DNAJC17: variants seen among roughly 807,000 people sequenced by gnomAD.
The protein encoded by DNAJC17 is DnaJ heat shock protein family (Hsp40) member C17.
DNAJC17 carries 35 observed loss-of-function variants against 48.1 expected under a neutral mutation model. The ratio of observed to expected loss-of-function variants is 0.73; its 90% CI spans 0.56 to 0.96. The LOEUF (loss-of-function observed/expected upper bound fraction) is 0.96. DNAJC17 is among the 50% of genes least tolerant of loss of function. The pLI is 0.00. For synonymous variants in DNAJC17, 117 were observed against 142.7 expected (o/e 0.82, Z 1.28); for missense variants, 355 against 377.1 (o/e 0.94, Z 0.48).
intron 1 of DNAJC17, among the ~76,000 whole-genome samples, chr15:40,802,552 G>C (rs1890101947): frequency 6.6e-6 from 1 of 152,170 alleles, no homozygotes; most frequent in Admixed American, 6.5e-5. Context: ...ACAGATTTGA[G>C]ATTCAGAGAA....
chr15:40,776,764 G>T, intron 4 of DNAJC17, 137 bp from the exon 5 acceptor site: 1 of 765,008 alleles, frequency 1.3e-6, no homozygotes, highest in Non-Finnish European at 2.2e-6. Context: ...CTCCCTCCAT[G>T]CCCACGCCCC....
At chr15:40,804,789 G>A (rs1197310099) in intron 1 of DNAJC17, among the ~76,000 whole-genome samples, 1 of 151,156 alleles carries the variant, frequency 6.6e-6, no homozygotes, top group Non-Finnish European at 1.5e-5. Context: ...ATCACTTGAG[G>A]TCAGGAGTTC....
chr15:40,767,666 T>C lies in DNAJC17; in HGVS notation c.*274A>G. On this transcript the variant is annotated 3_prime_UTR_variant, in exon 11 of 11. Transcript: ENST00000220496. ...CACTCCAGCGGCCCTGGCGCGTGGC[T>C]CCTGCATAGCTAGCCCAAGCCAATA... 1.7e-6 allele frequency: 1 copy of C among 595,424 alleles called. No individual in the cohort carries two copies. The allele number at this position is 595,424 out of a possible 1,614,324, so 36.9% of individuals were successfully genotyped here. A position where few individuals can be genotyped will look rare whatever the true frequency, so the allele number is the denominator to read the frequency against.
chr15:40,794,649 G>C (rs1022987143), intron 1 of DNAJC17, among the ~76,000 whole-genome samples: 1 of 152,136 alleles, frequency 6.6e-6, no homozygotes, highest in Admixed American at 6.6e-5. Context: ...TTTGGCTGGG[G>C]CAAAGCGAGA....
At position 40,799,921 on chromosome 15, in the gene DNAJC17, C is replaced by T. The variant is rs538761945; in HGVS notation, c.78+7448G>A. 7.2e-5 allele frequency among the ~76,000 whole-genome samples: 11 copies of T among 152,216 alleles called. No homozygotes were observed. The South Asian group carries it at 1.2e-3, about 17-fold the overall frequency. On this transcript the variant is annotated intron_variant, in intron 1 of 10. Transcript: ENST00000220496. ...CTGGAGTGCAGTGGCACAATCATAG[C>T]GCACTGTAGCCTGGAACTCCTGGGC...
At chr15:40,780,231 C>T (rs1189759015) in intron 1 of DNAJC17, 2 of 649,294 alleles carry the variant, frequency 3.1e-6, no homozygotes, top group Non-Finnish European at 5.7e-6. Flanking sequence ...CTCAACCTCA[C>T]CACTGCAGAT....
intron 1 of DNAJC17, among the ~76,000 whole-genome samples, chr15:40,784,065 A>C (rs1204338981): frequency 6.6e-6 from 1 of 151,710 alleles, no homozygotes; most frequent in Non-Finnish European, 1.5e-5. Context: ...CGTCTCTACC[A>C]AAAATACAAA....
chr15:40,770,841 C>T lies in DNAJC17; in HGVS notation c.793-2779G>A. ...TGCCACCCTGCCATCGGCGCTCTCT[C>T]TGTCGAGTGCCCTCCACCAGCACTC... On this transcript the variant is annotated intron_variant, in intron 10 of 10. Coordinates refer to ENST00000220496, the MANE Select transcript of DNAJC17 (RefSeq NM_018163.3). The surrounding 1 kb of genome is among the most constrained non-coding windows in gnomAD (Gnocchi z 5.0). The T allele has an allele frequency of 6.4e-7, 1 of 1,551,468 alleles. No homozygotes were observed.
At chr15:40,776,749 GC>G (rs2141949819) in intron 4 of DNAJC17, 122 bp from the exon 5 acceptor site, 2 of 907,596 alleles carry the variant, frequency 2.2e-6, no homozygotes, top group East Asian at 4.9e-5. Context: ...CAGTAACTCT[GC>G]CCCCTCCCTC....
At chr15:40,803,831 G>T (rs1390556768) in intron 1 of DNAJC17, among the ~76,000 whole-genome samples, 1 of 152,052 alleles carries the variant, frequency 6.6e-6, no homozygotes, top group Non-Finnish European at 1.5e-5. Flanking sequence ...TCTCATCTGA[G>T]TTAGAACTGG....
chr15:40,775,396 T>C, intron 7 of DNAJC17, 157 bp downstream of exon 7: 1 of 882,138 alleles, frequency 1.1e-6, no homozygotes, highest in Non-Finnish European at 1.8e-6. Context: ...AGCTCTGATC[T>C]CCGGGCGGCT....
Position 40,797,006 on chromosome 15 carries a change from ATCC to A in DNAJC17, c.78+10360_78+10362del, listed in dbSNP as rs1219953530. Reference sequence around the variant, plus strand: ...GATCTCAAGCTCCTAGGCTCAAGCAATCCTCCTGCCTCAGTCTCCCAAAGTGCT... The same window carrying A: ...GATCTCAAGCTCCTAGGCTCAAGCAATCCTGCCTCAGTCTCCCAAAGTGCT... On this transcript the variant is annotated intron_variant, in intron 1 of 10. Transcript: ENST00000220496. 2.3e-4 allele frequency among the ~76,000 whole-genome samples: 35 copies of A among 152,246 alleles called. 1 individual carries two copies. Among genetic ancestry groups the A allele is most frequent in the Admixed American group, 2.3e-3 (35 of 15,292 alleles).
At chr15:40,790,911 T>C (rs769985892) in intron 1 of DNAJC17, among the ~76,000 whole-genome samples, 98 of 152,120 alleles carry the variant, frequency 6.4e-4, no homozygotes, top group Non-Finnish European at 1.2e-3. Flanking sequence ...TGAAGAGTGA[T>C]ACTGAGGGGA....
At chr15:40,780,962 C>CA (rs1255702411) in intron 1 of DNAJC17, among the ~76,000 whole-genome samples, 2 of 151,082 alleles carry the variant, frequency 1.3e-5, no homozygotes, top group Admixed American at 1.3e-4. Flanking sequence ...GCCTGGCCAA[C>CA]ATGGCGAAAC....
rs530255389 is a variant in DNAJC17 at position 40,765,943 on chromosome 15, T to C, written c.*1997A>G. On this transcript the variant is annotated 3_prime_UTR_variant, in exon 11 of 11. Transcript: ENST00000220496. Reference sequence around the variant, plus strand: ...ACTTGTAAGTAGCAGCCTCCCTCAGTATCCTCTCCCTGCCAGCCCCTAGAC... The same window carrying C: ...ACTTGTAAGTAGCAGCCTCCCTCAGCATCCTCTCCCTGCCAGCCCCTAGAC... 7.6e-6 allele frequency: 10 copies of C among 1,321,964 alleles called. No homozygotes were observed. In the East Asian group the frequency reaches 1.9e-4, roughly 26 times the overall value. 81.9% of individuals were successfully genotyped at this position (1,321,964 alleles called of 1,614,324 possible).
At chr15:40,807,249 C>T in intron 1 of DNAJC17, 120 bp downstream of exon 1, 1 of 1,582,600 alleles carries the variant, frequency 6.3e-7, no homozygotes. Context: ...AGCGCCGACC[C>T]TCGCTCCCCG....
Position 40,770,864 on chromosome 15 carries a change from C to T in DNAJC17, c.793-2802G>A, listed in dbSNP as rs1889117920. 1 of 1,551,424 alleles carries T rather than the reference C, an allele frequency of 6.4e-7. No individual in the cohort carries two copies. Among genetic ancestry groups the T allele is most frequent in the Non-Finnish European group, 8.7e-7 (1 of 1,147,012 alleles). On this transcript the variant is annotated intron_variant, in intron 10 of 10. Coordinates refer to ENST00000220496, the MANE Select transcript of DNAJC17 (RefSeq NM_018163.3). This position sits in a 1 kb window ranked among gnomAD's most constrained non-coding sequence, Gnocchi z 5.0. ...CTCTGTCGAGTGCCCTCCACCAGCACTCAGAGAAGGGCCTTGTGGACACTC... is the reference window on the plus strand; with the variant it reads ...CTCTGTCGAGTGCCCTCCACCAGCATTCAGAGAAGGGCCTTGTGGACACTC...
At chr15:40,797,297 G>A (rs748480403) in intron 1 of DNAJC17, among the ~76,000 whole-genome samples, 10 of 152,182 alleles carry the variant, frequency 6.6e-5, no homozygotes, top group African/African-American at 1.2e-4. Context: ...TTGGGCCCAG[G>A]AGGTTGAGGC....
chr15:40,807,316 C>G (rs369149658), intron 1 of DNAJC17, 53 bp downstream of exon 1: 3 of 1,614,126 alleles, frequency 1.9e-6, no homozygotes, highest in Non-Finnish European at 1.7e-6. Flanking sequence ...GGCGCTAGGA[C>G]AGGAAGGACC....
Sources: gnomAD v4.1 joint callset for allele counts (sites outside exome capture counted in the v4.1 genomes callset) on GRCh38, gnomAD v4.1.1 for gene constraint, Gnocchi (gnomAD v3.1) non-coding constraint, MANE v1.5 for transcripts, NCBI Gene and HGNC (gene_info 2026-07-23, HGNC 2026-07-21) for gene names.